CD244: variants seen among roughly 807,000 people sequenced by gnomAD.
CD244 encodes the protein CD244 molecule.
Under a neutral mutation model 45.5 loss-of-function variants are expected in CD244, and 20 were observed. The ratio of observed to expected loss-of-function variants is 0.44; its 90% CI spans 0.31 to 0.64. CD244 has a LOEUF of 0.64. Among genes scored for constraint, CD244 ranks in the 30% least tolerant of loss-of-function variants. The pLI is 0.08. For missense variants in CD244, 407 were observed against 426.9 expected, an observed-to-expected ratio of 0.95 and a Z score of 0.41; for synonymous variants, 185 against 160.5, an observed-to-expected ratio of 1.15 and a Z score of -1.15.
intron 1 of CD244, among the ~76,000 whole-genome samples, chr1:160,857,787 C>A (rs924354827): frequency 3.9e-5 from 6 of 152,226 alleles, no homozygotes; most frequent in Non-Finnish European, 5.9e-5. Flanking sequence ...TGGCCCACAT[C>A]TGTAATCCCA....
At position 160,837,087 on chromosome 1, in the gene CD244, G is replaced by C. The variant is rs142181213; in HGVS notation, c.835-833C>G. On this transcript the variant is annotated intron_variant, in intron 5 of 8. Transcript: ENST00000368034. Reference sequence around the variant, plus strand: ...AGTGTTTCTAGAAAGATTAGAGCTGGGTCTCAAAGTGAGACCACATGAAAC... The same window carrying C: ...AGTGTTTCTAGAAAGATTAGAGCTGCGTCTCAAAGTGAGACCACATGAAAC... Among the ~76,000 whole-genome samples, 265 of 152,162 alleles carry C rather than the reference G, an allele frequency of 1.7e-3. 1 individual carries two copies. Among genetic ancestry groups the C allele is most frequent in the African/African-American group, 6.2e-3 (258 of 41,496 alleles).
intron 1 of CD244, among the ~76,000 whole-genome samples, chr1:160,861,118 C>A (rs1188895049): frequency 2.0e-5 from 3 of 152,230 alleles, no homozygotes; most frequent in Admixed American, 6.5e-5. Flanking sequence ...TCCCATCAGT[C>A]CTCCTTCGGC....
chr1:160,831,305 G>T lies in CD244; in HGVS notation c.*42C>A. ...GTCATCCACTGTGCCAATTCCCAAAGCAGATGCTGATGTGCAAGAAAGGTG... is the reference window on the plus strand; with the variant it reads ...GTCATCCACTGTGCCAATTCCCAAATCAGATGCTGATGTGCAAGAAAGGTG... On this transcript the variant is annotated 3_prime_UTR_variant, in exon 9 of 9. Transcript: ENST00000368034. 1 of 1,471,244 alleles carries T rather than the reference G, an allele frequency of 6.8e-7. No homozygotes were observed. Among genetic ancestry groups the T allele is most frequent in the African/African-American group, 1.4e-5 (1 of 72,234 alleles). The allele number at this position is 1,471,244 out of a possible 1,614,324, so 91.1% of individuals were successfully genotyped here.
chr1:160,836,396 C>A (rs1557832088), intron 5 of CD244, 142 bp from the exon 6 acceptor site: 1 of 694,432 alleles, frequency 1.4e-6, no homozygotes, highest in East Asian at 2.7e-5. Flanking sequence ...AGTCATTGAT[C>A]CTCCCAAGAT....
intron 1 of CD244, among the ~76,000 whole-genome samples, chr1:160,859,387 C>T (rs752130932): frequency 2.6e-5 from 4 of 152,160 alleles, no homozygotes; most frequent in African/African-American, 2.4e-5. Flanking sequence ...GGAAGAATTT[C>T]GCAATGCTCA....
chr1:160,832,836 C>T lies in CD244; in HGVS notation c.961-261G>A, dbSNP rs900611927. 2.9e-5 allele frequency: 14 copies of T among 477,530 alleles called. No individual in the cohort carries two copies. The Admixed American group carries it at 3.1e-4, about 11-fold the overall frequency. 29.6% of individuals were successfully genotyped at this position (477,530 alleles called of 1,614,324 possible). On this transcript the variant is annotated intron_variant, in intron 7 of 8. Coordinates refer to ENST00000368034, the MANE Select transcript of CD244 (RefSeq NM_016382.4). ...GAATTTGCTGTTCCATACCCACATA[C>T]ACCTAAAACCCATACACATATGTGT...
chr1:160,839,613 T>C (rs2101869522), intron 3 of CD244, among the ~76,000 whole-genome samples: 1 of 152,308 alleles, frequency 6.6e-6, no homozygotes, highest in African/African-American at 2.4e-5. Flanking sequence ...TTATAACTAA[T>C]TTAGAGGTGA....
At chr1:160,835,594 G>T (rs1251038427) in intron 6 of CD244, among the ~76,000 whole-genome samples, 1 of 152,014 alleles carries the variant, frequency 6.6e-6, no homozygotes, top group African/African-American at 2.4e-5. Context: ...CTGGTAGACA[G>T]AATGAGATCC....
At chr1:160,853,624 G>C (rs1308511419) in intron 1 of CD244, among the ~76,000 whole-genome samples, 3 of 151,928 alleles carry the variant, frequency 2.0e-5, no homozygotes, top group Admixed American at 2.0e-4. Flanking sequence ...GCCCATTGTG[G>C]AAACATTACC....
intron 5 of CD244, among the ~76,000 whole-genome samples, chr1:160,837,721 C>T (rs558164855): frequency 1.3e-5 from 2 of 152,266 alleles, no homozygotes. Flanking sequence ...ACTTCACCCA[C>T]CCTGCCCCAC....
At chr1:160,855,816 C>A (rs895724636) in intron 1 of CD244, among the ~76,000 whole-genome samples, 6 of 152,184 alleles carry the variant, frequency 3.9e-5, no homozygotes, top group Non-Finnish European at 8.8e-5. Flanking sequence ...AACTCCACTG[C>A]AGCCTCAGGA....
At chr1:160,856,597 G>C (rs111955213) in intron 1 of CD244, among the ~76,000 whole-genome samples, 1 of 152,036 alleles carries the variant, frequency 6.6e-6, no homozygotes, top group Non-Finnish European at 1.5e-5. Flanking sequence ...AATGTATCTT[G>C]CCTGTTAATG....
At chr1:160,832,161 C>A (rs767736520) in intron 8 of CD244, among the ~76,000 whole-genome samples, 1 of 152,132 alleles carries the variant, frequency 6.6e-6, no homozygotes, top group Non-Finnish European at 1.5e-5. Flanking sequence ...TTTAGAAAAT[C>A]ATTTAGAGTC....
intron 3 of CD244, among the ~76,000 whole-genome samples, chr1:160,839,941 A>T (rs903216602): frequency 6.6e-6 from 1 of 152,174 alleles, no homozygotes; most frequent in East Asian, 1.9e-4. Context: ...CCTGATATAT[A>T]ATCCAGCCAA....
intron 1 of CD244, among the ~76,000 whole-genome samples, chr1:160,855,165 G>A (rs1670061337): frequency 6.6e-6 from 1 of 152,228 alleles, no homozygotes; most frequent in Admixed American, 6.5e-5. Context: ...CTTAAAGAAG[G>A]AGGTTGTTGG....
rs372875248 is a variant in CD244 at position 160,838,438 on chromosome 1, C to T, written c.834+13G>A. ...GCCAGCTGAGAGAGACCCCAGCCTC[C>T]GGGATGACATACGTGATTTCTCCTG... On this transcript the variant is annotated intron_variant, in intron 5 of 8. Coordinates refer to ENST00000368034, the MANE Select transcript of CD244 (RefSeq NM_016382.4). 3.4e-5 allele frequency: 54 copies of T among 1,603,450 alleles called. 1 individual carries two copies. The highest frequency in any genetic ancestry group is 3.2e-4 in the South Asian group (29 of 90,834).
At chr1:160,838,583 AG>A in intron 4 of CD244, 65 bp from the exon 5 acceptor site, 1 of 1,115,728 alleles carries the variant, frequency 9.0e-7, no homozygotes, top group South Asian at 1.2e-5. Flanking sequence ...TGCTTCTAAC[AG>A]GTCCCACCTC....
At chr1:160,833,376 C>T (rs1669208027) in intron 7 of CD244, among the ~76,000 whole-genome samples, 1 of 152,176 alleles carries the variant, frequency 6.6e-6, no homozygotes, top group Admixed American at 6.5e-5. Flanking sequence ...TCCCATACTA[C>T]CATGTTAAGG....
In CD244 at chr1:160,838,958, C is replaced by T; in HGVS notation, c.747G>A (p.Lys249=). Residue 249 remains lysine (K), a synonymous_variant, in exon 4 of 9, where the codon AAG becomes AAA. Coordinates refer to ENST00000368034, the MANE Select transcript of CD244 (RefSeq NM_016382.4). Reference sequence around the variant, plus strand: ...ACTCACCTGACTGCTTCTCCTTCCTCTTTCTCCTCCACACACAGAAGCAGG... The same window carrying T: ...ACTCACCTGACTGCTTCTCCTTCCTTTTTCTCCTCCACACACAGAAGCAGG... ...TLACFCVWRR[K]RKEKQSETSP... 1.2e-6 allele frequency: 2 copies of T among 1,613,682 alleles called. No homozygotes were observed. The highest frequency in any genetic ancestry group is 1.1e-5 in the South Asian group (1 of 91,054).
Sources: gnomAD v4.1 joint callset for allele counts (sites outside exome capture counted in the v4.1 genomes callset) on GRCh38, gnomAD v4.1.1 for gene constraint, MANE v1.5 for transcripts, NCBI Gene and HGNC (gene_info 2026-07-23, HGNC 2026-07-21) for gene names.